POLE: variants seen among roughly 807,000 people sequenced by gnomAD.
POLE encodes DNA polymerase epsilon, catalytic subunit, also known as DNA polymerase epsilon catalytic subunit A.
Under a neutral mutation model 279.2 loss-of-function variants are expected in POLE, and 188 were observed. The ratio of observed to expected loss-of-function variants is 0.67; its 90% CI spans 0.60 to 0.76. The LOEUF is 0.76. POLE is among the 30% of genes least tolerant of loss of function. The probability of loss-of-function intolerance (pLI) is 0.00; values close to 1 mark genes in which losing one functional copy is unlikely to be tolerated. For synonymous variants in POLE, 1,214 were observed against 1,172.5 expected (o/e 1.04, Z -0.72); for missense variants, 2,703 against 3,016.7 (o/e 0.90, Z 2.44).
At position 132,672,813 on chromosome 12, in the gene POLE, CAG is replaced by C. The variant is rs774784656; in HGVS notation, c.1498_1499del (p.Leu500ValfsTer2). Reference sequence around the variant, plus strand: ...CCTGCACCATCAGCAAGGCCTCACACAGAGTGCCAGAGCCCTTCCGCAGCACC... The same window carrying C: ...CCTGCACCATCAGCAAGGCCTCACACAGTGCCAGAGCCCTTCCGCAGCACC... Reference protein sequence around the residue: ...DEVLRKGSGTLCEALLMVQAF... With the variant: ...DEVLRKGSGTXCEALLMVQAF... On this transcript the variant is annotated frameshift_variant, in exon 15 of 49. Coordinates refer to ENST00000320574, the MANE Select transcript of POLE (RefSeq NM_006231.4). LOFTEE classifies it high-confidence loss of function. The C allele has an allele frequency of 6.2e-7, 1 of 1,614,180 alleles. No homozygotes were observed. Among genetic ancestry groups the C allele is most frequent in the South Asian group, 1.1e-5 (1 of 91,084 alleles).
chr12:132,681,285 T>G lies in POLE; in HGVS notation c.63-6A>C, dbSNP rs2136035083. 1 of 1,613,726 alleles carries G rather than the reference T, an allele frequency of 6.2e-7. No individual in the cohort carries two copies. Among genetic ancestry groups the G allele is most frequent in the South Asian group, 1.1e-5 (1 of 91,020 alleles). On this transcript the variant is annotated splice_region_variant and splice_polypyrimidine_tract_variant and intron_variant, in intron 1 of 48. Transcript: ENST00000320574. The stretch of plus-strand genomic sequence containing the variant: ...AGGAAGTGGCGCCATCATCCCTGAG[T>G]GAAAGAAGGGAACCCCGTGCTTAAT...
rs374882541 is a variant in POLE at position 132,670,652 on chromosome 12, G to A, written c.1794+1563C>T. On this transcript the variant is annotated intron_variant, in intron 16 of 48. Transcript: ENST00000320574. ...ACTACAGGTGCCCGCCACCACGCCCGGCTAATTTTTTTATATTTTTTTAGT... is the reference window on the plus strand; with the variant it reads ...ACTACAGGTGCCCGCCACCACGCCCAGCTAATTTTTTTATATTTTTTTAGT... Among the ~76,000 whole-genome samples, 22 of 151,242 alleles carry A rather than the reference G, an allele frequency of 1.5e-4. No individual in the cohort carries two copies. The East Asian group carries it at 3.8e-3, about 26-fold the overall frequency.
chr12:132,687,169 TC>T, intron 1 of POLE, 84 bp downstream of exon 1: 1 of 833,528 alleles, frequency 1.2e-6, no homozygotes. Context: ...CGGGCCTCCC[TC>T]CCGCCTCGGC....
chr12:132,676,547 T>C lies in POLE; in HGVS notation c.908A>G (p.Gln303Arg), dbSNP rs1471409955. The C allele has an allele frequency of 6.2e-7, 1 of 1,608,078 alleles. No individual in the cohort carries two copies. Among genetic ancestry groups the C allele is most frequent in the Non-Finnish European group, 8.5e-7 (1 of 1,174,436 alleles). ...ACTTCCCAGAAGCCACCTGCTCACC[T>C]GGCCATCGATCATGTAGGAAATCAT... ...IMMISYMIDG[Q>R]GYLITNREIV... Residue 303 changes from glutamine (Q) to arginine (R), a missense_variant and splice_region_variant, in exon 9 of 49, where the codon CAG (glutamine) becomes CGG (arginine). Physicochemically the swap from Gln to Arg is conservative, Grantham distance 43. This residue lies in a region of POLE where 1,011 missense variants were observed against 1,111.7 expected (regional missense o/e 0.91). Coordinates refer to ENST00000320574, the MANE Select transcript of POLE (RefSeq NM_006231.4).
Position 132,652,731 on chromosome 12 carries a change from C to G in POLE, c.3583-2842G>C, listed in dbSNP as rs137940888. ...CACTCTCTCCTTAACGATCTGTGAC[C>G]TACCAACTTCCGACTAACAGGGGAG... On this transcript the variant is annotated intron_variant, in intron 29 of 48. Transcript: ENST00000320574. Among the ~76,000 whole-genome samples, 276 of 152,286 alleles carry G rather than the reference C, an allele frequency of 1.8e-3. 2 individuals are homozygous for G. Among genetic ancestry groups the G allele is most frequent in the African/African-American group, 6.4e-3 (266 of 41,544 alleles).
chr12:132,654,049 T>C (rs2042479819), intron 29 of POLE, among the ~76,000 whole-genome samples: 3 of 152,262 alleles, frequency 2.0e-5, no homozygotes, highest in Non-Finnish European at 4.4e-5. Context: ...ATTGTTATTG[T>C]TCATGTATGT....
chr12:132,632,447 G>A lies in POLE; in HGVS notation c.6198C>T (p.Ile2066=), dbSNP rs2041952333. Residue 2066 remains isoleucine (I), a synonymous_variant, in exon 45 of 49, where the codon ATC becomes ATT. Transcript: ENST00000320574. The part of the protein sequence containing the change: ...ANELTQSFFT[I]TQKIQKKVTG... ...TGACTTTCTTCTGAATCTTCTGAGT[G>A]ATGGTGAAGAAGCTCTGAGTGAGCT... The A allele has an allele frequency of 6.2e-7, 1 of 1,613,978 alleles. No individual in the cohort carries two copies. Among genetic ancestry groups the A allele is most frequent in the Non-Finnish European group, 8.5e-7 (1 of 1,179,830 alleles).
In POLE at chr12:132,640,924, C is replaced by T. The variant is rs1593725557; in HGVS notation, c.5378+723G>A. The T allele has an allele frequency of 6.6e-6, 3 of 453,288 alleles. No individual in the cohort carries two copies. The East Asian group carries it at 2.1e-4, about 32-fold the overall frequency. 28.1% of individuals were successfully genotyped at this position (453,288 alleles called of 1,614,324 possible). ...CCTCTCCCTGCCTCATTTCCCAGCT[C>T]TGGCATGCTCCCTCTCCCCTTTTGT... On this transcript the variant is annotated intron_variant, in intron 39 of 48. Transcript: ENST00000320574.
chr12:132,686,766 T>C (rs1450814053), intron 1 of POLE, among the ~76,000 whole-genome samples: 1 of 151,974 alleles, frequency 6.6e-6, no homozygotes, highest in South Asian at 2.1e-4. Flanking sequence ...ACGAGGTCTC[T>C]CTCTGTAGCC....
chr12:132,639,331 C>A lies in POLE; in HGVS notation c.5379-33G>T, dbSNP rs2138511953. On this transcript the variant is annotated intron_variant, in intron 39 of 48. Coordinates refer to ENST00000320574, the MANE Select transcript of POLE (RefSeq NM_006231.4). This position sits in a 1 kb window ranked among gnomAD's most constrained non-coding sequence, Gnocchi z 4.7. ...AGAAGGTGCACGACACCCTCGTACC[C>A]TCAGCCTCCCACGCTGCTGCCACGC... The A allele has an allele frequency of 6.2e-7, 1 of 1,605,582 alleles. No homozygotes were observed. The highest frequency in any genetic ancestry group is 1.7e-4 in the Middle Eastern group (1 of 5,900).
At position 132,642,247 on chromosome 12, in the gene POLE, G is replaced by A; in HGVS notation, c.5103C>T (p.Asp1701=). 6.2e-7 allele frequency: 1 copy of A among 1,611,590 alleles called. No individual in the cohort carries two copies. Among genetic ancestry groups the A allele is most frequent in the Non-Finnish European group, 8.5e-7 (1 of 1,178,776 alleles). Reference sequence around the variant, plus strand: ...CATCGAACTCCATGACAAGACAGTTGTCATCAGCCTCCTTTCCACCCAGGT... The same window carrying A: ...CATCGAACTCCATGACAAGACAGTTATCATCAGCCTCCTTTCCACCCAGGT... ...RPDLGGKEAD[D]NCLVMEFDDQ... is the part of the protein sequence containing the mutation. Residue 1701 remains aspartate, a synonymous_variant, in exon 38 of 49, where the codon GAC becomes GAT. Coordinates refer to ENST00000320574, the MANE Select transcript of POLE (RefSeq NM_006231.4).
Position 132,642,925 on chromosome 12 carries a change from C to A in POLE, c.4623G>T (p.Val1541=). 1.2e-6 allele frequency: 2 copies of A among 1,612,500 alleles called. No individual in the cohort carries two copies. Among genetic ancestry groups the A allele is most frequent in the Non-Finnish European group, 1.7e-6 (2 of 1,179,530 alleles). The change falls in exon 36 of 49, where the codon GTG becomes GTT. Residue 1541 remains valine, a synonymous_variant. Coordinates refer to ENST00000320574, the MANE Select transcript of POLE (RefSeq NM_006231.4). ...SAEHGLLLEK[V]GPELLPPPKH... ...TGGGGGGTGGCAGGAGCTCAGGGCC[C>A]ACCTTCTCCAGGAGGAGGCCGTGCT...
rs559017130 is a variant in POLE, at chr12:132,667,743, T to C, written c.2174-95A>G. 6 of 1,336,274 alleles carry C rather than the reference T, an allele frequency of 4.5e-6. No individual in the cohort carries two copies. In the South Asian group the frequency reaches 6.2e-5, roughly 14 times the overall value. 82.8% of individuals were successfully genotyped at this position (1,336,274 alleles called of 1,614,324 possible). A position where few individuals can be genotyped will look rare whatever the true frequency, so the allele number is the denominator to read the frequency against. ...GGTGCTGAAGAACATGGCTTCTACG[T>C]CACCACAAAGGAGCAACAGCTCAGA... On this transcript the variant is annotated intron_variant, in intron 19 of 48. Transcript: ENST00000320574.
At chr12:132,642,771 A>G (rs763670905) in intron 36 of POLE, 42 bp from the exon 37 acceptor site, 4 of 1,613,422 alleles carry the variant, frequency 2.5e-6, no homozygotes, top group Non-Finnish European at 3.4e-6. Context: ...GGGTGGACCC[A>G]GCCTCAAAGA....
intron 10 of POLE, 21 bp downstream of exon 10, chr12:132,676,073 T>A: frequency 6.7e-7 from 1 of 1,502,102 alleles, no homozygotes; most frequent in Non-Finnish European, 9.2e-7. Context: ...CCGGGTAGTT[T>A]CCCAAGTGAT....
intron 41 of POLE, among the ~76,000 whole-genome samples, chr12:132,636,813 A>C (rs549846357): frequency 6.6e-6 from 1 of 152,228 alleles, no homozygotes; most frequent in Non-Finnish European, 1.5e-5. Flanking sequence ...AGAGGAAGGA[A>C]GGAGGAACAT....
intron 45 of POLE, among the ~76,000 whole-genome samples, chr12:132,627,049 G>A (rs564559098): frequency 6.6e-6 from 1 of 152,342 alleles, no homozygotes; most frequent in East Asian, 1.9e-4. Context: ...GGTAGGCCAA[G>A]GCAGGTGGAT....
rs1593782262 is a variant in POLE, at chr12:132,664,110, ACG to A, written c.2598_2599del (p.Val867ProfsTer41). 2 of 1,614,192 alleles carry A rather than the reference ACG, an allele frequency of 1.2e-6. No individual in the cohort carries two copies. The highest frequency in any genetic ancestry group is 1.7e-6 in the Non-Finnish European group (2 of 1,180,022). Reference sequence around the variant, plus strand: ...ATTTTCTGGGAAGCTGTTGGGCAGGACGCACCATATACCATCTGTGTCCAGCT... The same window carrying A: ...ATTTTCTGGGAAGCTGTTGGGCAGGACACCATATACCATCTGTGTCCAGCT... On this transcript the variant is annotated frameshift_variant, in exon 23 of 49. Coordinates refer to ENST00000320574, the MANE Select transcript of POLE (RefSeq NM_006231.4). LOFTEE classifies it high-confidence loss of function. This position sits in a 1 kb window ranked among gnomAD's most constrained non-coding sequence, Gnocchi z 5.3.
In POLE at chr12:132,687,301, G is replaced by A. The variant is rs1361332747; in HGVS notation, c.15C>T (p.Ser5=). MSLR[S]GGRRRADPGA... ...CTGGGTCCGCGCGCCGCCGCCCGCC[G>A]CTCCTCAGAGACATGGAGCCGTTGG... Residue 5 remains serine, a synonymous_variant, in exon 1 of 49, where the codon AGC becomes AGT. Transcript: ENST00000320574. 5 of 1,504,696 alleles carry A rather than the reference G, an allele frequency of 3.3e-6. No homozygotes were observed. The highest frequency in any genetic ancestry group is 2.7e-6 in the Non-Finnish European group (3 of 1,127,320). The allele number at this position is 1,504,696 out of a possible 1,614,324, so 93.2% of individuals were successfully genotyped here. A position where few individuals can be genotyped will look rare whatever the true frequency, so the allele number is the denominator to read the frequency against.
Sources: allele counts gnomAD v4.1 joint callset (sites outside exome capture counted in the v4.1 genomes callset), GRCh38; gene constraint gnomAD v4.1.1; regional missense constraint gnomAD v4.1.1; non-coding constraint Gnocchi (gnomAD v3.1); transcripts MANE v1.5; gene names NCBI Gene and HGNC (gene_info 2026-07-23, HGNC 2026-07-21).